Variants in NAV2 observed in about 807,000 individuals in gnomAD.
The protein encoded by NAV2 is neuron navigator 2, also known as helicase, APC down-regulated 1.
Under a neutral mutation model 223.2 loss-of-function variants are expected in NAV2, and 54 were observed. The ratio of observed to expected loss-of-function variants is 0.24; its 90% confidence interval spans 0.19 to 0.30. The LOEUF is 0.30. Among genes scored for constraint, NAV2 ranks in the 10% least tolerant of loss-of-function variants. The pLI, the probability that NAV2 is intolerant of heterozygous loss-of-function variation, is 1.00. For missense variants in NAV2, 2,806 were observed against 3,147.5 expected (o/e 0.89, Z 2.60); for synonymous variants, 1,279 against 1,239.3 (o/e 1.03, Z -0.67).
At chr11:19,469,520 G>A (rs564889319) in intron 1 of NAV2, among the ~76,000 whole-genome samples, 2 of 152,266 alleles carry the variant, frequency 1.3e-5, no homozygotes, top group African/African-American at 4.8e-5. Flanking sequence ...TTTTCCCCAT[G>A]TGGTTAGTGG....
At chr11:20,074,004 A>G (rs1355463836) in intron 22 of NAV2, among the ~76,000 whole-genome samples, 1 of 152,012 alleles carries the variant, frequency 6.6e-6, no homozygotes, top group Admixed American at 6.5e-5. Context: ...TTGCTTCTCT[A>G]GTTCTTTTAA....
chr11:20,057,109 T>A (rs1280584028), intron 19 of NAV2, among the ~76,000 whole-genome samples: 1 of 151,948 alleles, frequency 6.6e-6, no homozygotes, highest in Non-Finnish European at 1.5e-5. Flanking sequence ...AAAAGCAGAA[T>A]GTGGAGGGTG....
At chr11:19,767,346 G>A (rs1365468094) in intron 1 of NAV2, among the ~76,000 whole-genome samples, 1 of 152,218 alleles carries the variant, frequency 6.6e-6, no homozygotes, top group Non-Finnish European at 1.5e-5. Flanking sequence ...CAAGGCAGGA[G>A]GTCAGATGGT....
chr11:19,441,090 TTATTGAGA>T (rs1851383420), intron 1 of NAV2, among the ~76,000 whole-genome samples: 2 of 152,156 alleles, frequency 1.3e-5, no homozygotes, highest in Non-Finnish European at 2.9e-5. Flanking sequence ...CAGGAAGCCT[TTATTGAGA>T]TATTGATGTT....
Position 19,633,605 on chromosome 11 carries a change from C to T in NAV2, c.76-198879C>T, listed in dbSNP as rs145795308. On this transcript the variant is annotated intron_variant, in intron 1 of 37. Transcript: ENST00000360655. Reference sequence around the variant, plus strand: ...CAAATCAGGCCTGCCTGACGGAGCTCGGGCCCAGGGAAAAGCAGCCTGTTC... The same window carrying T: ...CAAATCAGGCCTGCCTGACGGAGCTTGGGCCCAGGGAAAAGCAGCCTGTTC... Among the ~76,000 whole-genome samples, 1,365 of 152,358 alleles carry T rather than the reference C, an allele frequency of 9.0e-3. 21 individuals are homozygous for T. Among genetic ancestry groups the T allele is most frequent in the African/African-American group, 0.03 (1,262 of 41,592 alleles).
intron 1 of NAV2, among the ~76,000 whole-genome samples, chr11:19,659,102 T>C (rs989267837): frequency 1.3e-5 from 2 of 152,156 alleles, no homozygotes; most frequent in African/African-American, 4.8e-5. Context: ...TAAAGAAAAC[T>C]AAAGAAATTT....
upstream of NAV2, chr11:19,711,360 G>C (rs550606361): frequency 6.6e-6 from 1 of 152,238 alleles, no homozygotes; most frequent in South Asian, 2.1e-4. Flanking sequence ...ATGCCAACAC[G>C]GTATCAGATT....
At chr11:19,635,135 C>T (rs1418091144) in intron 1 of NAV2, among the ~76,000 whole-genome samples, 3 of 152,068 alleles carry the variant, frequency 2.0e-5, no homozygotes, top group Non-Finnish European at 2.9e-5. Context: ...CAGGAGGAAA[C>T]GGAAATTGCT....
At chr11:19,642,133 G>A (rs2047683287) in intron 1 of NAV2, among the ~76,000 whole-genome samples, 1 of 152,098 alleles carries the variant, frequency 6.6e-6, no homozygotes, top group Admixed American at 6.5e-5. Flanking sequence ...GATCCCACTG[G>A]ACATCCCTAT....
chr11:19,854,880 G>T (rs1323812453), intron 3 of NAV2, among the ~76,000 whole-genome samples: 1 of 152,160 alleles, frequency 6.6e-6, no homozygotes, highest in Non-Finnish European at 1.5e-5. Flanking sequence ...TTATTGCCTT[G>T]TTGTACTGCT....
At chr11:19,883,716 CCTAA>C (rs1222723490) in intron 5 of NAV2, among the ~76,000 whole-genome samples, 1 of 152,064 alleles carries the variant, frequency 6.6e-6, no homozygotes, top group Non-Finnish European at 1.5e-5. Context: ...TTTTATTAAG[CCTAA>C]CTAAAATTCT....
At chr11:19,972,881 T>C (rs963777295) in intron 10 of NAV2, among the ~76,000 whole-genome samples, 3 of 152,182 alleles carry the variant, frequency 2.0e-5, no homozygotes, top group Non-Finnish European at 4.4e-5. Flanking sequence ...GTTGCACAAA[T>C]GCCACCACCT....
intron 7 of NAV2, among the ~76,000 whole-genome samples, chr11:19,934,810 A>T (rs1781163441): frequency 1.4e-5 from 1 of 73,022 alleles, no homozygotes; most frequent in Non-Finnish European, 2.7e-5. Context: ...GAGAAGAGTA[A>T]TGGTAGGGGA....
Position 20,055,829 on chromosome 11 carries a change from G to C in NAV2, c.4703G>C (p.Ser1568Thr). Residue 1568 changes from serine to threonine, a missense_variant, in exon 19 of 38, where the codon AGC (serine) becomes ACC (threonine). By Grantham distance (58) the Ser-to-Thr change is moderately conservative. Coordinates refer to ENST00000349880, the MANE Select transcript of NAV2 (RefSeq NM_145117.5). ...AACCCGACCATGCTGAGGACTCACA[G>C]CCTCTCCAATGCTGATGGGCAGTAT... The part of the protein sequence containing the change: ...LSNPTMLRTH[S>T]LSNADGQYDP... 1 of 1,614,172 alleles carries C rather than the reference G, an allele frequency of 6.2e-7. No homozygotes were observed. The highest frequency in any genetic ancestry group is 1.3e-5 in the African/African-American group (1 of 75,046).
intron 1 of NAV2, among the ~76,000 whole-genome samples, chr11:19,378,640 C>T (rs981283175): frequency 1.1e-4 from 17 of 151,138 alleles, no homozygotes; most frequent in African/African-American, 3.9e-4. Flanking sequence ...GAGTCGCTCA[C>T]GGAGGAGATG....
intron 1 of NAV2, among the ~76,000 whole-genome samples, chr11:19,654,897 T>C (rs568962545): frequency 2.6e-5 from 4 of 152,316 alleles, no homozygotes; most frequent in Admixed American, 6.5e-5. Context: ...AAATGGGATC[T>C]AATTAAACTA....
chr11:19,995,641 C>T (rs1199672148), intron 11 of NAV2, among the ~76,000 whole-genome samples: 1 of 152,126 alleles, frequency 6.6e-6, no homozygotes, highest in African/African-American at 2.4e-5. Context: ...GCAAAGAGGA[C>T]AGCTGCGGTG....
chr11:19,677,991 TCTC>T (rs2048763667), intron 1 of NAV2, among the ~76,000 whole-genome samples: 1 of 152,176 alleles, frequency 6.6e-6, no homozygotes. Flanking sequence ...CCAGTATCCT[TCTC>T]CTTTGAGGAG....
Position 20,088,371 on chromosome 11 carries a change from G to A in NAV2, c.5499-2494G>A, listed in dbSNP as rs940597268. On this transcript the variant is annotated intron_variant, in intron 26 of 37. Transcript: ENST00000349880. ...CCAGCTAATTTGTGTATTTTTAGTAGAGACGGGGTTTCGCCGTGTTGGCCA... is the reference window on the plus strand; with the variant it reads ...CCAGCTAATTTGTGTATTTTTAGTAAAGACGGGGTTTCGCCGTGTTGGCCA... 6.6e-5 allele frequency among the ~76,000 whole-genome samples: 10 copies of A among 152,306 alleles called. No individual in the cohort carries two copies. The East Asian group carries it at 1.9e-3, about 29-fold the overall frequency.
Sources: allele counts gnomAD v4.1 joint callset (sites outside exome capture counted in the v4.1 genomes callset), GRCh38; gene constraint gnomAD v4.1.1; transcripts MANE v1.5; gene names NCBI Gene and HGNC (gene_info 2026-07-23, HGNC 2026-07-21).